Variants in KIF17 observed in about 807,000 individuals in gnomAD.
The protein encoded by KIF17 is kinesin-like protein KIF17.
KIF17 carries 80 observed loss-of-function variants against 96.8 expected under a neutral mutation model. The observed-to-expected ratio is 0.83, with a 90% CI of 0.69 to 1.00. The LOEUF (loss-of-function observed/expected upper bound fraction) is 1.00, where lower values mean the gene tolerates loss of function less well. Among genes scored for constraint, KIF17 ranks in the 50% least tolerant of loss-of-function variants. KIF17 has a pLI of 0.00. For synonymous variants in KIF17, 567 were observed against 587.5 expected, an observed-to-expected ratio of 0.97 and a Z score of 0.51; for missense variants, 1,280 against 1,372.9, an observed-to-expected ratio of 0.93 and a Z score of 1.07.
At chr1:20,716,906 G>C (rs1360787363) in intron 1 of KIF17, among the ~76,000 whole-genome samples, 2 of 152,172 alleles carry the variant, frequency 1.3e-5, no homozygotes, top group African/African-American at 2.4e-5. Flanking sequence ...GGTGGATCCT[G>C]TATGGGTAGA....
chr1:20,715,444 G>A, intron 2 of KIF17, 49 bp downstream of exon 2: 1 of 1,603,394 alleles, frequency 6.2e-7, no homozygotes, highest in Non-Finnish European at 8.5e-7. Flanking sequence ...AAGTGCTCTG[G>A]GCCCAGCTGC....
chr1:20,709,618 C>A lies in KIF17; in HGVS notation c.670+21G>T. ...TGGCTGGGTCATCTGTCCCCCTGCC[C>A]CCAACAATGGCCTCGCATACCCACG... On this transcript the variant is annotated intron_variant, in intron 4 of 14. Coordinates refer to ENST00000400463, the MANE Select transcript of KIF17 (RefSeq NM_001122819.3). This position sits in a 1 kb window ranked among gnomAD's most constrained non-coding sequence, Gnocchi z 4.7. 6.2e-7 allele frequency: 1 copy of A among 1,613,682 alleles called. No homozygotes were observed. The highest frequency in any genetic ancestry group is 8.5e-7 in the Non-Finnish European group (1 of 1,179,930).
At chr1:20,713,636 C>T in intron 2 of KIF17, 81 bp from the exon 3 acceptor site, 1 of 1,006,996 alleles carries the variant, frequency 9.9e-7, no homozygotes, top group Non-Finnish European at 1.5e-6. Flanking sequence ...GGGCCTGGGC[C>T]CTCTGCCACC....
In KIF17 at chr1:20,699,567, AAAAT is replaced by A. The variant is rs1380250049; in HGVS notation, c.1124-1083_1124-1080del. ...GGCGAAAGAGCAAGACTCCGTCTCA[AAAAT>A]AAATAAATAAATAGCTTATTTATTG... is the stretch of plus-strand genomic sequence containing the variant. On this transcript the variant is annotated intron_variant, in intron 5 of 14. Transcript: ENST00000400463. This position sits in a 1 kb window ranked among gnomAD's most constrained non-coding sequence, Gnocchi z 4.3. Among the ~76,000 whole-genome samples the A allele has an allele frequency of 6.6e-6, 1 of 152,186 alleles. No individual in the cohort carries two copies. The highest frequency in any genetic ancestry group is 1.9e-4 in the East Asian group (1 of 5,196).
chr1:20,684,116 G>A (rs956041534), intron 10 of KIF17, among the ~76,000 whole-genome samples: 13 of 152,372 alleles, frequency 8.5e-5, no homozygotes, highest in East Asian at 1.9e-4. Flanking sequence ...AAGTTGGCCC[G>A]AGGTGGCAGA....
Position 20,715,602 on chromosome 1 carries a change from T to C in KIF17, c.269A>G (p.Tyr90Cys), listed in dbSNP as rs1407962161. The change falls in exon 2 of 15, where the codon TAC (tyrosine) becomes TGC (cysteine). Residue 90 changes from tyrosine (Y) to cysteine (C), a missense_variant. Physicochemically the swap from Tyr to Cys is radical, Grantham distance 194 (BLOSUM62 -2). Coordinates refer to ENST00000400463, the MANE Select transcript of KIF17 (RefSeq NM_001122819.3). ...GGACTTCCCGCTGCCTGTCTGGCCG[T>C]AGGCAAAGATGGTGCCATTGTAGCC... is the stretch of plus-strand genomic sequence containing the variant. Reference protein sequence around the residue: ...TEGYNGTIFAYGQTGSGKSFT... With the variant: ...TEGYNGTIFACGQTGSGKSFT... 1 of 1,613,348 alleles carries C rather than the reference T, an allele frequency of 6.2e-7. No individual in the cohort carries two copies. Among genetic ancestry groups the C allele is most frequent in the South Asian group, 1.1e-5 (1 of 91,008 alleles).
In KIF17 at chr1:20,664,575, C is replaced by T. The variant is rs370601962; in HGVS notation, c.*9G>A. On this transcript the variant is annotated 3_prime_UTR_variant, in exon 15 of 15. Coordinates refer to ENST00000400463, the MANE Select transcript of KIF17 (RefSeq NM_001122819.3). The stretch of plus-strand genomic sequence containing the variant: ...TGCCTATAAGGCAGGCAATGGCAAG[C>T]AGCTGTGCTCACAGAGGCTCACTGC... 2.5e-5 allele frequency: 41 copies of T among 1,613,942 alleles called. No individual in the cohort carries two copies. The highest frequency in any genetic ancestry group is 3.3e-5 in the Non-Finnish European group (39 of 1,180,032).
chr1:20,685,195 C>T lies in KIF17; in HGVS notation c.2020-175G>A, dbSNP rs769007839. 16 of 709,540 alleles carry T rather than the reference C, an allele frequency of 2.3e-5. No individual in the cohort carries two copies. Among genetic ancestry groups the T allele is most frequent in the East Asian group, 1.1e-4 (4 of 37,144 alleles). 44.0% of individuals were successfully genotyped at this position (709,540 alleles called of 1,614,324 possible). On this transcript the variant is annotated intron_variant, in intron 9 of 14. Transcript: ENST00000400463. The surrounding 1 kb of genome is among the most constrained non-coding windows in gnomAD (Gnocchi z 4.1). ...ACACGCCCTGTTGAGTTCTTACTGC[C>T]GCTATTCCCACTGACACCCCCACGC...
intron 2 of KIF17, among the ~76,000 whole-genome samples, chr1:20,714,975 C>T (rs2054551607): frequency 6.6e-6 from 1 of 152,190 alleles, no homozygotes; most frequent in South Asian, 2.1e-4. Context: ...CCGCCATTCC[C>T]CGTGCACTGC....
At chr1:20,713,678 G>A (rs2054523801) in intron 2 of KIF17, 123 bp from the exon 3 acceptor site, 2 of 756,360 alleles carry the variant, frequency 2.6e-6, no homozygotes, top group Non-Finnish European at 4.6e-6. Context: ...GGACATCGGG[G>A]CAAGAGGAGT....
At chr1:20,692,421 ACC>A (rs2054055704) in intron 6 of KIF17, among the ~76,000 whole-genome samples, 1 of 150,952 alleles carries the variant, frequency 6.6e-6, no homozygotes, top group Non-Finnish European at 1.5e-5. Flanking sequence ...GCTCACTGCA[ACC>A]TCCACTTCCC....
chr1:20,698,082 G>A (rs749543849), intron 6 of KIF17, among the ~76,000 whole-genome samples: 4 of 152,132 alleles, frequency 2.6e-5, no homozygotes, highest in Non-Finnish European at 5.9e-5. Flanking sequence ...CCTTCAAAAC[G>A]GAGGGGAGAC....
At chr1:20,686,303 C>T (rs1308540114) in intron 8 of KIF17, 177 bp from the exon 9 acceptor site, 16 of 665,412 alleles carry the variant, frequency 2.4e-5, no homozygotes, top group Non-Finnish European at 4.1e-5. Context: ...AGGGAGAGAA[C>T]AGGGAAGAGA....
chr1:20,676,310 C>T (rs1570437927), intron 11 of KIF17, among the ~76,000 whole-genome samples: 1 of 152,028 alleles, frequency 6.6e-6, no homozygotes, highest in East Asian at 1.9e-4. Context: ...GCAAAAATAT[C>T]ATAAAGCACA....
intron 2 of KIF17, 132 bp from the exon 3 acceptor site, chr1:20,713,687 G>T: frequency 1.4e-6 from 1 of 731,934 alleles, no homozygotes; most frequent in Non-Finnish European, 2.4e-6. Context: ...GGCAAGAGGA[G>T]TCTCCAACCC....
intron 4 of KIF17, among the ~76,000 whole-genome samples, chr1:20,707,135 G>A (rs903056510): frequency 6.6e-6 from 1 of 152,130 alleles, no homozygotes; most frequent in Admixed American, 6.5e-5. Context: ...TGCCTCTTTG[G>A]GAAGCTCTTT....
intron 5 of KIF17, among the ~76,000 whole-genome samples, chr1:20,702,345 T>C (rs2054252691): frequency 6.6e-6 from 1 of 152,190 alleles, no homozygotes; most frequent in South Asian, 2.1e-4. Context: ...ACAGCTATCC[T>C]GGGGGCTGCC....
At chr1:20,712,920 T>TA (rs2054501748) in intron 3 of KIF17, among the ~76,000 whole-genome samples, 1 of 63,006 alleles carries the variant, frequency 1.6e-5, no homozygotes, top group Non-Finnish European at 3.6e-5. Flanking sequence ...ATATATAATA[T>TA]ATCTATATTA....
intron 1 of KIF17, among the ~76,000 whole-genome samples, 168 bp from the exon 2 acceptor site, chr1:20,715,807 C>G (rs554111): frequency 0.68 from 103,403 of 152,126 alleles, 35,490 homozygotes; most frequent in East Asian, 0.88. Context: ...GGAGTTGACT[C>G]TCTGGTGGGG....
Sources: allele counts gnomAD v4.1 joint callset (sites outside exome capture counted in the v4.1 genomes callset), GRCh38; gene constraint gnomAD v4.1.1; non-coding constraint Gnocchi (gnomAD v3.1); transcripts MANE v1.5; gene names NCBI Gene and HGNC (gene_info 2026-07-23, HGNC 2026-07-21).